Variants in MTSS1 observed in about 807,000 individuals in gnomAD.
The protein encoded by MTSS1 is protein MTSS 1.
A neutral mutation model predicts 79.0 loss-of-function variants in MTSS1; 18 were observed. That is an observed-to-expected ratio of 0.23 (90% CI 0.16 to 0.34). MTSS1 has a LOEUF of 0.34. Among genes scored for constraint, MTSS1 ranks in the 10% least tolerant of loss-of-function variants. The pLI is 1.00. For missense variants in MTSS1, 815 were observed against 986.2 expected, an observed-to-expected ratio of 0.83 and a Z score of 2.33; for synonymous variants, 341 against 368.6, an observed-to-expected ratio of 0.93 and a Z score of 0.86.
chr8:124,567,677 C>T (rs1368981479), intron 7 of MTSS1: 1 of 1,449,822 alleles, frequency 6.9e-7, no homozygotes, highest in South Asian at 1.4e-5. Context: ...AAGACAGGAG[C>T]TGGGGACCAT....
At chr8:124,721,241 C>T (rs1470277945) in intron 1 of MTSS1, among the ~76,000 whole-genome samples, 2 of 152,036 alleles carry the variant, frequency 1.3e-5, no homozygotes, top group African/African-American at 2.4e-5. Flanking sequence ...CCACACCTCA[C>T]GTACTCAATA....
intron 3 of MTSS1, among the ~76,000 whole-genome samples, chr8:124,652,841 G>A (rs2134203609): frequency 6.6e-6 from 1 of 150,530 alleles, no homozygotes; most frequent in African/African-American, 2.4e-5. Context: ...ACTCTAAAGA[G>A]TGATCCCACT....
In MTSS1 at chr8:124,704,011, G is replaced by GCA. The variant is rs1307213946; in HGVS notation, c.134+118_134+119insTG. 3 of 846,908 alleles carry GCA rather than the reference G, an allele frequency of 3.5e-6. No individual in the cohort carries two copies. The African/African-American group carries it at 5.0e-5, about 14-fold the overall frequency. The allele number at this position is 846,908 out of a possible 1,614,324, so 52.5% of individuals were successfully genotyped here. On this transcript the variant is annotated intron_variant, in intron 2 of 13. Coordinates refer to ENST00000518547, the MANE Select transcript of MTSS1 (RefSeq NM_014751.6). Reference sequence around the variant, plus strand: ...ATGCTCCAATCAGAACCCAGCACAGGCTTCCCTATCTGCAGCACTTCCTGA... The same window carrying GCA: ...ATGCTCCAATCAGAACCCAGCACAGGCACTTCCCTATCTGCAGCACTTCCTGA...
intron 3 of MTSS1, among the ~76,000 whole-genome samples, chr8:124,652,866 G>A (rs1480721569): frequency 4.6e-5 from 7 of 150,792 alleles, no homozygotes; most frequent in African/African-American, 9.8e-5. Flanking sequence ...CTGCTTTAAC[G>A]AATATCCACC....
chr8:124,646,018 T>C (rs1378286245), intron 3 of MTSS1, among the ~76,000 whole-genome samples: 1 of 152,222 alleles, frequency 6.6e-6, no homozygotes, highest in South Asian at 2.1e-4. Flanking sequence ...GAAAAAAGTA[T>C]GTAAAATAAA....
chr8:124,648,042 C>T (rs1280723454), intron 3 of MTSS1, among the ~76,000 whole-genome samples: 1 of 152,188 alleles, frequency 6.6e-6, no homozygotes, highest in Non-Finnish European at 1.5e-5. Context: ...CCTCTATAGC[C>T]TCTGCAATCC....
At position 124,592,124 on chromosome 8, in the gene MTSS1, A is replaced by G. The variant is rs552139655; in HGVS notation, c.209-889T>C. Among the ~76,000 whole-genome samples, 96 of 152,294 alleles carry G rather than the reference A, an allele frequency of 6.3e-4. 3 individuals are homozygous for G. In the South Asian group the frequency reaches 0.018, roughly 29 times the overall value. On this transcript the variant is annotated intron_variant, in intron 3 of 13. Coordinates refer to ENST00000518547, the MANE Select transcript of MTSS1 (RefSeq NM_014751.6). ...TTTTTAAATGGGCTTGAGCAACACC[A>G]GTCTTCAAGCTCAGCAAATAATGAA...
chr8:124,631,756 G>A (rs981432328), intron 3 of MTSS1, among the ~76,000 whole-genome samples: 3 of 152,280 alleles, frequency 2.0e-5, no homozygotes, highest in Middle Eastern at 6.8e-3. Flanking sequence ...CTCCTACAGC[G>A]GGTCTGATCC....
chr8:124,672,653 A>T (rs1026568845), intron 3 of MTSS1, among the ~76,000 whole-genome samples: 41 of 149,002 alleles, frequency 2.8e-4, no homozygotes, highest in African/African-American at 6.7e-4. Flanking sequence ...AAAATAATTT[A>T]AAAAAAAATA....
intron 3 of MTSS1, among the ~76,000 whole-genome samples, chr8:124,642,361 G>T (rs982152382): frequency 1.3e-5 from 2 of 152,106 alleles, no homozygotes; most frequent in Non-Finnish European, 2.9e-5. Flanking sequence ...CTATACTGTG[G>T]AAAGAAAAAC....
At chr8:124,608,553 G>C (rs1398738723) in intron 3 of MTSS1, among the ~76,000 whole-genome samples, 1 of 152,208 alleles carries the variant, frequency 6.6e-6, no homozygotes, top group African/African-American at 2.4e-5. Flanking sequence ...CAAGCAGTGG[G>C]CCTGAGTGTT....
intron 1 of MTSS1, among the ~76,000 whole-genome samples, chr8:124,723,801 T>C (rs1038575244): frequency 5.3e-5 from 8 of 152,210 alleles, no homozygotes; most frequent in Non-Finnish European, 7.3e-5. Context: ...GCTCTGCTTG[T>C]CCTGCCTTTG....
intron 10 of MTSS1, chr8:124,558,665 G>A (rs754768382): frequency 2.2e-5 from 33 of 1,484,286 alleles, no homozygotes; most frequent in Non-Finnish European, 2.8e-5. Flanking sequence ...CAGCAGGCAG[G>A]GGGACCAGGG....
Position 124,568,422 on chromosome 8 carries a change from C to T in MTSS1, c.575G>A (p.Arg192His). 1.2e-6 allele frequency: 2 copies of T among 1,614,162 alleles called. No homozygotes were observed. The highest frequency in any genetic ancestry group is 1.7e-6 in the Non-Finnish European group (2 of 1,180,028). Residue 192 changes from arginine to histidine, a missense_variant, in exon 7 of 14, where the codon CGT becomes CAT. Transcript: ENST00000518547. ...QAVRKALIEE[R>H]GRFCTFISML... ...AGAGATGAAGGTACAGAATCGGCCACGTTCTTCAATCAAAGCCTTCCGGAC... is the reference window on the plus strand; with the variant it reads ...AGAGATGAAGGTACAGAATCGGCCATGTTCTTCAATCAAAGCCTTCCGGAC...
At position 124,557,868 on chromosome 8, in the gene MTSS1, T is replaced by C; in HGVS notation, c.1043A>G (p.Asn348Ser). The change falls in exon 11 of 14, where the codon AAC becomes AGC. Residue 348 changes from asparagine (N) to serine (S), a missense_variant. Physicochemically the swap from Asn to Ser is conservative, Grantham distance 46. Transcript: ENST00000518547. Reference sequence around the variant, plus strand: ...TGATAAACTATAGTGAGAAAACCCGTTAGACAACTGGAAACAAACAAAAAA... The same window carrying C: ...TGATAAACTATAGTGAGAAAACCCGCTAGACAACTGGAAACAAACAAAAAA... ...MPPEAPNQLS[N>S]GFSHYSLSSE... 1 of 1,578,690 alleles carries C rather than the reference T, an allele frequency of 6.3e-7. No homozygotes were observed. The highest frequency in any genetic ancestry group is 1.4e-5 in the African/African-American group (1 of 73,590).
intron 1 of MTSS1, among the ~76,000 whole-genome samples, chr8:124,705,364 A>G (rs1017906568): frequency 3.9e-5 from 6 of 152,132 alleles, no homozygotes; most frequent in African/African-American, 1.4e-4. Flanking sequence ...CCAGCTACTC[A>G]GGAGGCTGAG....
intron 3 of MTSS1, among the ~76,000 whole-genome samples, chr8:124,608,132 C>G (rs1328284429): frequency 6.6e-6 from 1 of 151,990 alleles, no homozygotes; most frequent in Non-Finnish European, 1.5e-5. Context: ...AGATGCCCCT[C>G]TGAGAGCTGG....
At chr8:124,632,040 G>A (rs1015378010) in intron 3 of MTSS1, among the ~76,000 whole-genome samples, 4 of 152,308 alleles carry the variant, frequency 2.6e-5, no homozygotes, top group Admixed American at 1.3e-4. Flanking sequence ...ACTTTGGGAG[G>A]CCAAGACAGG....
chr8:124,559,551 A>G (rs1190870098), intron 10 of MTSS1, among the ~76,000 whole-genome samples: 1 of 152,170 alleles, frequency 6.6e-6, no homozygotes, highest in Non-Finnish European at 1.5e-5. Context: ...TTGGGAAACC[A>G]TCGCTTTACA....
Sources: gnomAD v4.1 joint callset for allele counts (sites outside exome capture counted in the v4.1 genomes callset) on GRCh38, gnomAD v4.1.1 for gene constraint, MANE v1.5 for transcripts, NCBI Gene and HGNC (gene_info 2026-07-23, HGNC 2026-07-21) for gene names.